Variants in CNTNAP2 observed in about 807,000 individuals in gnomAD.
CNTNAP2 encodes contactin associated protein 2, also known as contactin-associated protein-like 2.
Under a neutral mutation model 155.2 loss-of-function variants are expected in CNTNAP2, and 98 were observed. That is an observed-to-expected ratio of 0.63 (90% CI 0.54 to 0.75). CNTNAP2 has a LOEUF of 0.75. CNTNAP2 is among the 30% of genes least tolerant of loss of function. The pLI is 0.00. For missense variants in CNTNAP2, 1,727 were observed against 1,688.1 expected (o/e 1.02, Z -0.40); for synonymous variants, 651 against 631.2 (o/e 1.03, Z -0.47).
intron 8 of CNTNAP2, among the ~76,000 whole-genome samples, chr7:147,236,494 A>G (rs934770734): frequency 6.7e-6 from 1 of 150,000 alleles, no homozygotes; most frequent in Non-Finnish European, 1.5e-5. Flanking sequence ...GATCATTCCA[A>G]TTTCACTGGA....
intron 8 of CNTNAP2, among the ~76,000 whole-genome samples, chr7:147,133,122 A>G (rs906116864): frequency 6.6e-6 from 1 of 152,132 alleles, no homozygotes; most frequent in Non-Finnish European, 1.5e-5. Flanking sequence ...ATAGAGGCTT[A>G]GGTAATATTC....
At chr7:147,132,535 T>C (rs1362927150) in intron 8 of CNTNAP2, 26 bp downstream of exon 8, 2 of 1,613,054 alleles carry the variant, frequency 1.2e-6, no homozygotes, top group South Asian at 2.2e-5. Context: ...TTGACATTTG[T>C]TCCTGAAACT....
At chr7:147,716,066 G>T (rs1014498287) in intron 13 of CNTNAP2, among the ~76,000 whole-genome samples, 1 of 152,148 alleles carries the variant, frequency 6.6e-6, no homozygotes, top group Non-Finnish European at 1.5e-5. Flanking sequence ...CTGGTCACAA[G>T]AGAGCCAGTT....
intron 12 of CNTNAP2, among the ~76,000 whole-genome samples, chr7:147,605,663 G>T (rs1473941480): frequency 6.6e-6 from 1 of 152,054 alleles, no homozygotes; most frequent in Non-Finnish European, 1.5e-5. Flanking sequence ...TGACAAATGT[G>T]TTTCTTTCAG....
chr7:147,108,483 T>C, intron 5 of CNTNAP2, 133 bp downstream of exon 5: 1 of 769,880 alleles, frequency 1.3e-6, no homozygotes, highest in Non-Finnish European at 2.0e-6. Flanking sequence ...ACTTAATCTA[T>C]AACAGTAGGT....
intron 10 of CNTNAP2, among the ~76,000 whole-genome samples, chr7:147,459,861 A>G (rs1174622754): frequency 1.3e-5 from 2 of 152,190 alleles, no homozygotes; most frequent in African/African-American, 2.4e-5. Context: ...TTCCCAGGAC[A>G]CTGATCTGTG....
rs1011650548 is a variant in CNTNAP2 at position 148,399,294 on chromosome 7, A to T, written c.3716-10097A>T. Among the ~76,000 whole-genome samples, 440 of 152,272 alleles carry T rather than the reference A, an allele frequency of 2.9e-3. 2 individuals are homozygous for T. Among genetic ancestry groups the T allele is most frequent in the Admixed American group, 6.1e-3 (93 of 15,292 alleles). On this transcript the variant is annotated intron_variant, in intron 22 of 23. Transcript: ENST00000361727. ...AAACAAATCCATAAACTTCAAAAAA[A>T]TCCACGGTACAGTATTTTTAAAAAT...
intron 13 of CNTNAP2, among the ~76,000 whole-genome samples, chr7:147,859,963 T>C (rs1799108676): frequency 6.6e-6 from 1 of 152,182 alleles, no homozygotes; most frequent in Admixed American, 6.5e-5. Flanking sequence ...AAGGTGGCTT[T>C]AATATTTCGT....
At chr7:148,397,834 C>G (rs992606239) in intron 22 of CNTNAP2, among the ~76,000 whole-genome samples, 2 of 152,218 alleles carry the variant, frequency 1.3e-5, no homozygotes, top group African/African-American at 4.8e-5. Flanking sequence ...TCATCAGTTT[C>G]TCCTTGATGG....
In CNTNAP2 at chr7:147,973,160, T is replaced by TAAAAAAAAAAAAA. The variant is rs35756000; in HGVS notation, c.2256-4693_2256-4681dup. ...CAGAGCAAGACCCTGTCTCTAAAAT[T>TAAAAAAAAAAAAA]AAAAAAAAAAAAAAAAAAAAAGTAG... On this transcript the variant is annotated intron_variant, in intron 14 of 23. Transcript: ENST00000361727. Among the ~76,000 whole-genome samples, 644 of 120,692 alleles carry TAAAAAAAAAAAAA rather than the reference T, an allele frequency of 5.3e-3. 21 individuals carry two copies. Among genetic ancestry groups the TAAAAAAAAAAAAA allele is most frequent in the African/African-American group, 0.018 (525 of 28,828 alleles). 79.2% of individuals were successfully genotyped at this position (120,692 alleles called of 152,430 possible).
At chr7:147,314,595 C>CT (rs1379591979) in intron 9 of CNTNAP2, among the ~76,000 whole-genome samples, 2 of 148,924 alleles carry the variant, frequency 1.3e-5, no homozygotes, top group Non-Finnish European at 3.0e-5. Flanking sequence ...CAGCATTGGA[C>CT]TATATGGTAT....
intron 8 of CNTNAP2, among the ~76,000 whole-genome samples, chr7:147,226,737 T>G (rs2116608557): frequency 6.6e-6 from 1 of 152,342 alleles, no homozygotes; most frequent in Middle Eastern, 3.4e-3. Flanking sequence ...AACTATCCTC[T>G]TCACTCTGCA....
intron 11 of CNTNAP2, among the ~76,000 whole-genome samples, chr7:147,486,671 A>G (rs1344856369): frequency 6.6e-6 from 1 of 152,240 alleles, no homozygotes; most frequent in African/African-American, 2.4e-5. Context: ...CTTGGTTTAT[A>G]TAAATAGCTT....
intron 18 of CNTNAP2, among the ~76,000 whole-genome samples, chr7:148,202,290 T>C (rs2116732738): frequency 6.6e-6 from 1 of 152,216 alleles, no homozygotes; most frequent in African/African-American, 2.4e-5. Context: ...GGAAAACCAT[T>C]TGGGAGTGTT....
At chr7:147,986,438 T>C (rs1222859837) in intron 15 of CNTNAP2, among the ~76,000 whole-genome samples, 1 of 152,216 alleles carries the variant, frequency 6.6e-6, no homozygotes, top group African/African-American at 2.4e-5. Context: ...TGTGGCTGTA[T>C]ATTTTTGCCT....
chr7:146,274,019 A>G (rs1800126273), intron 1 of CNTNAP2, among the ~76,000 whole-genome samples: 2 of 152,186 alleles, frequency 1.3e-5, no homozygotes, highest in African/African-American at 4.8e-5. Context: ...ATATATACAC[A>G]TACATATGTA....
intron 23 of CNTNAP2, among the ~76,000 whole-genome samples, chr7:148,413,911 C>T (rs1799913604): frequency 1.3e-5 from 2 of 152,044 alleles, no homozygotes; most frequent in Non-Finnish European, 2.9e-5. Context: ...CTTTTCCCAC[C>T]CTTTTACTGT....
chr7:148,123,553 C>T (rs1437834061), intron 16 of CNTNAP2, among the ~76,000 whole-genome samples: 1 of 151,344 alleles, frequency 6.6e-6, no homozygotes. Context: ...GCTATGATCA[C>T]ACAGCTGTAC....
intron 1 of CNTNAP2, among the ~76,000 whole-genome samples, chr7:146,747,894 G>T (rs1285402204): frequency 2.6e-5 from 4 of 152,004 alleles, no homozygotes; most frequent in Non-Finnish European, 5.9e-5. Context: ...CTTTAAAAAT[G>T]TATTTTATAA....
Sources: gnomAD v4.1 joint callset for allele counts (sites outside exome capture counted in the v4.1 genomes callset) on GRCh38, gnomAD v4.1.1 for gene constraint, MANE v1.5 for transcripts, NCBI Gene and HGNC (gene_info 2026-07-23, HGNC 2026-07-21) for gene names.